TJP1: variants seen among roughly 807,000 people sequenced by gnomAD.
TJP1 encodes the protein tight junction protein ZO-1.
A neutral mutation model predicts 194.2 loss-of-function variants in TJP1; 43 were observed. The observed-to-expected ratio is 0.22, with a 90% confidence interval of 0.17 to 0.29. The LOEUF (loss-of-function observed/expected upper bound fraction) is 0.29. Ranked by LOEUF, TJP1 falls within the 10% of genes least tolerant of loss-of-function variation. TJP1 has a pLI of 1.00. For missense variants in TJP1, 1,971 were observed against 2,185.7 expected (o/e 0.90, Z 1.96); for synonymous variants, 801 against 779.0 (o/e 1.03, Z -0.47).
upstream of TJP1, chr15:29,968,971 C>CCCG (rs993835616): frequency 1.3e-4 from 20 of 149,626 alleles, no homozygotes; most frequent in South Asian, 1.2e-3. Context: ...CCCGGCCGCT[C>CCCG]CCGCCGCCGC....
intron 2 of TJP1, among the ~76,000 whole-genome samples, chr15:29,843,577 T>G (rs920815000): frequency 1.3e-5 from 2 of 152,122 alleles, no homozygotes; most frequent in African/African-American, 2.4e-5. Context: ...CCAAATTCAA[T>G]TTTCAGCAGT....
intron 8 of TJP1, among the ~76,000 whole-genome samples, chr15:29,750,821 G>T (rs572946465): frequency 6.6e-6 from 1 of 152,148 alleles, no homozygotes. Context: ...CATAAGGTAG[G>T]CAAGAACACC....
At chr15:29,909,083 G>A (rs1276890982) in intron 2 of TJP1, among the ~76,000 whole-genome samples, 1 of 151,606 alleles carries the variant, frequency 6.6e-6, no homozygotes, top group Non-Finnish European at 1.5e-5. Context: ...CATGAACCCA[G>A]GAGGCGGAGC....
intron 2 of TJP1, among the ~76,000 whole-genome samples, chr15:29,859,248 AT>A (rs1315609097): frequency 2.8e-4 from 42 of 152,364 alleles, no homozygotes; most frequent in African/African-American, 9.4e-4. Context: ...AAGTGTTCGC[AT>A]CTATTATCTT....
At chr15:29,724,241 C>CA (rs1043885564) in intron 18 of TJP1, among the ~76,000 whole-genome samples, 4 of 152,180 alleles carry the variant, frequency 2.6e-5, no homozygotes, top group African/African-American at 9.7e-5. Context: ...CTCCAGTTTT[C>CA]AAGAGAGCAT....
chr15:29,734,276 T>C lies in TJP1; in HGVS notation c.1514A>G (p.Asp505Gly). The C allele has an allele frequency of 1.2e-6, 2 of 1,601,640 alleles. No homozygotes were observed. Among genetic ancestry groups the C allele is most frequent in the Non-Finnish European group, 1.7e-6 (2 of 1,174,220 alleles). Residue 505 changes from aspartate to glycine, a missense_variant and splice_region_variant, in exon 12 of 28, where the codon GAT (aspartate) becomes GGT (glycine). By Grantham distance (94) the Asp-to-Gly change is moderately conservative (BLOSUM62 -1). This residue lies in a region of TJP1 where 402 missense variants were observed against 484.2 expected (regional missense o/e 0.83). Transcript: ENST00000614355. ...TCCATTTTCTGACAGCATCTCACCA[T>C]CCTTCTTCTTCTGAGCCAATATGGT... ...EVTILAQKKK[D>G]VYRRIVESDV...
At chr15:29,737,493 T>C in intron 10 of TJP1, 79 bp from the exon 11 acceptor site, 1 of 1,474,962 alleles carries the variant, frequency 6.8e-7, no homozygotes, top group Non-Finnish European at 9.2e-7. Flanking sequence ...GAAAACTATA[T>C]TCAGAATTAA....
chr15:29,722,464 A>G (rs1256536391), intron 18 of TJP1, among the ~76,000 whole-genome samples: 1 of 152,214 alleles, frequency 6.6e-6, no homozygotes, highest in Non-Finnish European at 1.5e-5. Flanking sequence ...CTGCGGGTGC[A>G]CAGAGGGAGA....
intron 2 of TJP1, among the ~76,000 whole-genome samples, chr15:29,794,773 G>C (rs1412313572): frequency 1.3e-5 from 2 of 152,102 alleles, no homozygotes; most frequent in Non-Finnish European, 2.9e-5. Flanking sequence ...ATAGCAAATT[G>C]CATCTGTGGT....
At position 29,959,002 on chromosome 15, in the gene TJP1, T is replaced by A. The variant is rs112451129; in HGVS notation, c.174-2638A>T. 2.6e-5 allele frequency among the ~76,000 whole-genome samples: 4 copies of A among 152,022 alleles called. No individual in the cohort carries two copies. The East Asian group carries it at 7.7e-4, about 29-fold the overall frequency. On this transcript the variant is annotated intron_variant, in intron 1 of 28. Coordinates refer to the TJP1 transcript ENST00000356107. ...AGTAGCTAGTTTTTTTTTTTTGTTT[T>A]TTTTTGAGTCGGAGTCTCGCTGTGC...
intron 13 of TJP1, 63 bp downstream of exon 13, chr15:29,733,031 G>A (rs1423695590): frequency 1.4e-5 from 21 of 1,528,654 alleles, no homozygotes; most frequent in Non-Finnish European, 1.8e-5. Flanking sequence ...TTCCCAGTGG[G>A]ATTGAAATGA....
At chr15:29,800,960 C>G (rs1463362164) in intron 1 of TJP1, among the ~76,000 whole-genome samples, 1 of 152,188 alleles carries the variant, frequency 6.6e-6, no homozygotes, top group Non-Finnish European at 1.5e-5. Context: ...AAGCTGAAAT[C>G]AGTATTCAAG....
At chr15:29,797,797 G>A (rs752941122) in intron 2 of TJP1, among the ~76,000 whole-genome samples, 1 of 152,060 alleles carries the variant, frequency 6.6e-6, no homozygotes, top group Non-Finnish European at 1.5e-5. Context: ...TCTTGAATAC[G>A]TGAAGTCTAT....
At chr15:29,906,704 C>G (rs545881915) in intron 2 of TJP1, among the ~76,000 whole-genome samples, 1 of 151,538 alleles carries the variant, frequency 6.6e-6, no homozygotes, top group Non-Finnish European at 1.5e-5. Context: ...CTCAGCCTCC[C>G]AAGTAGCTGG....
intron 2 of TJP1, among the ~76,000 whole-genome samples, chr15:29,950,242 CTCCTTCACTACCACCTCTATG>C: frequency 6.7e-6 from 1 of 149,626 alleles, no homozygotes; most frequent in African/African-American, 2.5e-5. Context: ...CCACCACCAC[CTCCTTCACTACCACCTCTATG>C]ACCACCACCT....
At position 29,718,055 on chromosome 15, in the gene TJP1, T is replaced by C; in HGVS notation, c.3940A>G (p.Asn1314Asp). The change falls in exon 22 of 28, where the codon AAT becomes GAT. Residue 1314 changes from asparagine (N) to aspartate (D), a missense_variant. Transcript: ENST00000614355. ...PIIGPKPTSQ[N>D]QFSEHDKTLY... ...GTTTTGTCATGTTCACTGAATTGAT[T>C]CTGAGAAGTGGGTTTGGGACCAATG... 6.2e-7 allele frequency: 1 copy of C among 1,613,332 alleles called. No individual in the cohort carries two copies.
Position 29,864,283 on chromosome 15 carries a change from T to C in TJP1, c.307-63581A>G, listed in dbSNP as rs564465590. 4.8e-4 allele frequency among the ~76,000 whole-genome samples: 66 copies of C among 138,130 alleles called. 1 individual carries two copies. Among genetic ancestry groups the C allele is most frequent in the African/African-American group, 1.6e-3 (59 of 36,880 alleles). 90.6% of individuals were successfully genotyped at this position (138,130 alleles called of 152,430 possible). On this transcript the variant is annotated intron_variant, in intron 2 of 28. Transcript: ENST00000356107. Reference sequence around the variant, plus strand: ...AAAAAAAGCTGGGTGTGGTGGTGTGTGCCTGTAATCCCAGCTACTTGGGAG... The same window carrying C: ...AAAAAAAGCTGGGTGTGGTGGTGTGCGCCTGTAATCCCAGCTACTTGGGAG...
At chr15:29,955,102 T>TA (rs1342581091) in intron 2 of TJP1, among the ~76,000 whole-genome samples, 2 of 151,884 alleles carry the variant, frequency 1.3e-5, no homozygotes, top group Non-Finnish European at 2.9e-5. Flanking sequence ...ATAATAATAA[T>TA]AGAGTATTCA....
In TJP1 at chr15:29,822,133, G is replaced by C; in HGVS notation, c.-105C>G. On this transcript the variant is annotated 5_prime_UTR_variant, in exon 1 of 28. Coordinates refer to ENST00000614355, the MANE Select transcript of TJP1 (RefSeq NM_001330239.4). ...GCCCAAATAAACATCTCCCGAGAGC[G>C]AGCGGGGCACGGGCGGGGGCGGCCG... 2.5e-6 allele frequency: 3 copies of C among 1,200,156 alleles called. No individual in the cohort carries two copies. Among genetic ancestry groups the C allele is most frequent in the Non-Finnish European group, 3.1e-6 (3 of 965,846 alleles). 74.3% of individuals were successfully genotyped at this position (1,200,156 alleles called of 1,614,324 possible).
Sources: allele counts gnomAD v4.1 joint callset (sites outside exome capture counted in the v4.1 genomes callset), GRCh38; gene constraint gnomAD v4.1.1; regional missense constraint gnomAD v4.1.1; transcripts MANE v1.5; gene names NCBI Gene and HGNC (gene_info 2026-07-23, HGNC 2026-07-21).